MYO5A: variants seen among roughly 807,000 people sequenced by gnomAD.
MYO5A encodes myosin VA, also known as unconventional myosin-Va.
In MYO5A, 98 loss-of-function variants were observed where a neutral mutation model predicts 249.7. The ratio of observed to expected loss-of-function variants is 0.39; its 90% CI spans 0.33 to 0.46. The LOEUF is 0.46. MYO5A is among the 20% of genes least tolerant of loss of function. MYO5A has a pLI of 0.98. For missense variants in MYO5A, 1,696 were observed against 2,308.8 expected, an observed-to-expected ratio of 0.73 and a Z score of 5.44; for synonymous variants, 778 against 810.6, an observed-to-expected ratio of 0.96 and a Z score of 0.68.
intron 4 of MYO5A, among the ~76,000 whole-genome samples, chr15:52,417,819 T>C (rs529609532): frequency 6.6e-5 from 10 of 152,340 alleles, no homozygotes; most frequent in African/African-American, 2.4e-4. Flanking sequence ...TCTTGGACTT[T>C]TCAGCCTCCA....
intron 25 of MYO5A, among the ~76,000 whole-genome samples, chr15:52,357,798 C>A (rs1413962121): frequency 6.6e-6 from 1 of 152,150 alleles, no homozygotes; most frequent in Non-Finnish European, 1.5e-5. Context: ...GGTTTTGTTT[C>A]GCTTTTTGCC....
At chr15:52,455,404 C>G (rs1407891014) in intron 1 of MYO5A, among the ~76,000 whole-genome samples, 1 of 152,054 alleles carries the variant, frequency 6.6e-6, no homozygotes. Context: ...AATACCAATT[C>G]TGCTCAAACT....
chr15:52,395,017 T>C (rs1442457883), intron 11 of MYO5A, among the ~76,000 whole-genome samples: 2 of 152,238 alleles, frequency 1.3e-5, no homozygotes, highest in African/African-American at 2.4e-5. Flanking sequence ...GTTCAAGTTT[T>C]TTCAAAGTAT....
chr15:52,328,923 T>C (rs956912036), intron 35 of MYO5A, among the ~76,000 whole-genome samples: 1 of 152,246 alleles, frequency 6.6e-6, no homozygotes, highest in African/African-American at 2.4e-5. Context: ...ACTTGTTAGC[T>C]TACTTCCTTT....
intron 2 of MYO5A, among the ~76,000 whole-genome samples, chr15:52,431,401 C>T (rs1382654461): frequency 6.6e-6 from 1 of 151,670 alleles, no homozygotes; most frequent in Non-Finnish European, 1.5e-5. Context: ...TACATACAAA[C>T]ACATACATAC....
intron 27 of MYO5A, among the ~76,000 whole-genome samples, chr15:52,352,770 G>A (rs540763701): frequency 7.2e-5 from 11 of 151,930 alleles, no homozygotes; most frequent in East Asian, 1.9e-4. Context: ...GTGACAGAGC[G>A]AGACTCCATT....
intron 1 of MYO5A, among the ~76,000 whole-genome samples, chr15:52,471,019 T>C (rs1390788416): frequency 2.2e-5 from 1 of 46,126 alleles, no homozygotes; most frequent in African/African-American, 6.7e-5. Context: ...CAAGACTCCA[T>C]CTCAAAAAAA....
chr15:52,383,207 A>G lies in MYO5A; in HGVS notation c.1915-19T>C, dbSNP rs769983558. ...TTCTGAACTGCATGAAAAAGGGCAG[A>G]AGAGGGTATCAAGGCTTTGTCCAAA... is the stretch of plus-strand genomic sequence containing the variant. On this transcript the variant is annotated intron_variant, in intron 15 of 41. Transcript: ENST00000399233. 24 of 1,579,308 alleles carry G rather than the reference A, an allele frequency of 1.5e-5. No individual in the cohort carries two copies. Among genetic ancestry groups the G allele is most frequent in the Non-Finnish European group, 9.6e-6 (11 of 1,148,500 alleles).
chr15:52,398,116 G>A (rs550886340), intron 9 of MYO5A, among the ~76,000 whole-genome samples: 2 of 152,328 alleles, frequency 1.3e-5, no homozygotes, highest in East Asian at 3.9e-4. Context: ...GGGAGAAAAT[G>A]TGAGTTGAAA....
At chr15:52,512,037 CCT>C (rs1491503302) in intron 1 of MYO5A, among the ~76,000 whole-genome samples, 2 of 152,006 alleles carry the variant, frequency 1.3e-5, no homozygotes, top group African/African-American at 4.8e-5. Flanking sequence ...GTGGCAGGCG[CCT>C]GTAGTCCCAG....
At chr15:52,347,149 T>C (rs1023604033) in intron 29 of MYO5A, among the ~76,000 whole-genome samples, 6 of 152,172 alleles carry the variant, frequency 3.9e-5, no homozygotes, top group Non-Finnish European at 7.4e-5. Flanking sequence ...CTTTTTAATT[T>C]TCTCCGTTTA....
chr15:52,422,757 C>T (rs2075307521), intron 4 of MYO5A, among the ~76,000 whole-genome samples: 1 of 152,150 alleles, frequency 6.6e-6, no homozygotes, highest in East Asian at 1.9e-4. Context: ...TGCTCTGTCA[C>T]CCAGGCAGGA....
chr15:52,316,233 C>T, intron 40 of MYO5A, among the ~76,000 whole-genome samples: 1 of 60,360 alleles, frequency 1.7e-5, no homozygotes, highest in African/African-American at 6.3e-5. Flanking sequence ...GACTCCGTCA[C>T]AAAAAAAAAA....
chr15:52,351,499 G>GA lies in MYO5A; in HGVS notation c.3622-19dup, dbSNP rs1349862833. On this transcript the variant is annotated intron_variant, in intron 27 of 41. Coordinates refer to ENST00000399233, the MANE Select transcript of MYO5A (RefSeq NM_001382347.1). ...TCTTGACGCTGTATGAAAAGACAAA[G>GA]AAAAGTTCATTGCTGTCATCCTCAA... 3 of 1,607,898 alleles carry GA rather than the reference G, an allele frequency of 1.9e-6. No individual in the cohort carries two copies. In the Admixed American group the frequency reaches 5.0e-5, roughly 27 times the overall value.
At chr15:52,421,988 A>G (rs1166246450) in intron 4 of MYO5A, among the ~76,000 whole-genome samples, 1 of 152,238 alleles carries the variant, frequency 6.6e-6, no homozygotes, top group Non-Finnish European at 1.5e-5. Context: ...GAGAAAATAT[A>G]GCAAATTAAA....
At chr15:52,331,785 G>C (rs190679395) in intron 34 of MYO5A, 1 of 985,238 alleles carries the variant, frequency 1.0e-6, no homozygotes, top group African/African-American at 1.7e-5. Context: ...GACTATCAGC[G>C]CTGAAAATCT....
In MYO5A at chr15:52,323,350, C is replaced by A; in HGVS notation, c.4800+5G>T. 1 of 1,606,196 alleles carries A rather than the reference C, an allele frequency of 6.2e-7. No individual in the cohort carries two copies. The highest frequency in any genetic ancestry group is 1.1e-5 in the South Asian group (1 of 90,904). ...ATGCTGGTTTTGTAATCAAGGTTTT[C>A]TCACCTCTTCTCCACTGTACTGTTT... On this transcript the variant is annotated splice_donor_5th_base_variant and intron_variant, in intron 37 of 41. Coordinates refer to ENST00000399233, the MANE Select transcript of MYO5A (RefSeq NM_001382347.1).
In MYO5A at chr15:52,428,581, C is replaced by G; in HGVS notation, c.139-12G>C. 1.2e-6 allele frequency: 2 copies of G among 1,613,888 alleles called. No homozygotes were observed. The highest frequency in any genetic ancestry group is 1.7e-6 in the Non-Finnish European group (2 of 1,179,814). Reference sequence around the variant, plus strand: ...TGGTATTCCAAATCCTGAAAATGCACAAGGCACAGCATCTGGATGAATTAT... The same window carrying G: ...TGGTATTCCAAATCCTGAAAATGCAGAAGGCACAGCATCTGGATGAATTAT... On this transcript the variant is annotated splice_polypyrimidine_tract_variant and intron_variant, in intron 2 of 41. Coordinates refer to ENST00000399233, the MANE Select transcript of MYO5A (RefSeq NM_001382347.1).
At position 52,336,650 on chromosome 15, in the gene MYO5A, C is replaced by T. The variant is rs890201310; in HGVS notation, c.4315-94G>A. The T allele has an allele frequency of 2.6e-5, 26 of 998,200 alleles. No individual in the cohort carries two copies. The Admixed American group carries it at 4.0e-4, about 15-fold the overall frequency. 61.8% of individuals were successfully genotyped at this position (998,200 alleles called of 1,614,324 possible). A position where few individuals can be genotyped will look rare whatever the true frequency, so the allele number is the denominator to read the frequency against. Reference sequence around the variant, plus strand: ...TAGACACAATATCACAGAAACAACACGTTAGTTTTACATAAGAGCTCATTG... The same window carrying T: ...TAGACACAATATCACAGAAACAACATGTTAGTTTTACATAAGAGCTCATTG... On this transcript the variant is annotated intron_variant, in intron 33 of 41. Coordinates refer to ENST00000399233, the MANE Select transcript of MYO5A (RefSeq NM_001382347.1).
Sources: allele counts gnomAD v4.1 joint callset (sites outside exome capture counted in the v4.1 genomes callset), GRCh38; gene constraint gnomAD v4.1.1; transcripts MANE v1.5; gene names NCBI Gene and HGNC (gene_info 2026-07-23, HGNC 2026-07-21).